HELZ2: variants seen among roughly 807,000 people sequenced by gnomAD.
HELZ2 encodes the protein 3'-5' exoribonuclease HELZ2.
A neutral mutation model predicts 208.8 loss-of-function variants in HELZ2; 143 were observed. That is an observed-to-expected ratio of 0.68 (90% confidence interval 0.60 to 0.79). The LOEUF (loss-of-function observed/expected upper bound fraction) is 0.79, where lower values mean the gene tolerates loss of function less well. Ranked by LOEUF, HELZ2 falls within the 30% of genes least tolerant of loss-of-function variation. The probability of loss-of-function intolerance (pLI) is 0.00; values close to 1 mark genes in which losing one functional copy is unlikely to be tolerated. For missense variants in HELZ2, 3,690 were observed against 3,794.5 expected, an observed-to-expected ratio of 0.97 and a Z score of 0.72; for synonymous variants, 1,705 against 1,693.7, an observed-to-expected ratio of 1.01 and a Z score of -0.16.
intron 3 of HELZ2, 72 bp downstream of exon 4, chr20:63,570,432 G>A (rs762440263): frequency 1.0e-5 from 13 of 1,253,468 alleles, no homozygotes; most frequent in South Asian, 5.0e-5. Flanking sequence ...CCAGGCTGTT[G>A]ACGTCTGCCC....
At chr20:63,563,199 G>C in exon 8 of HELZ2, 2 of 1,585,464 alleles carry the variant, frequency 1.3e-6, no homozygotes, top group Non-Finnish European at 1.7e-6. Flanking sequence ...CCCAGCTCCC[G>C]GGCCACCTCC....
chr20:63,564,794 A>C, exon 8 of HELZ2: 1 of 1,610,116 alleles, frequency 6.2e-7, no homozygotes. Context: ...GTCCACAGTG[A>C]AGGTCAAGAA....
chr20:63,572,147 G>T (rs760123091), exon 1 of HELZ2: 2 of 1,611,636 alleles, frequency 1.2e-6, no homozygotes, highest in Non-Finnish European at 1.7e-6. Flanking sequence ...CGGGGGTGGG[G>T]AACGGTGCTC....
In HELZ2 at chr20:63,568,568, CA is replaced by C; in HGVS notation, c.1519del (p.Trp507GlyfsTer97). On this transcript the variant is annotated frameshift_variant, in exon 5 of 19. Coordinates refer to ENST00000467148, the Ensembl canonical transcript of HELZ2. LOFTEE classifies it high-confidence loss of function. ...GCCACGCCGCAAGGGTGGGACAGAC[CA>C]AGGTCTGGGCAGGGCGCAGGTGGGC... The C allele has an allele frequency of 6.3e-7, 1 of 1,589,024 alleles. No individual in the cohort carries two copies. The highest frequency in any genetic ancestry group is 8.5e-7 in the Non-Finnish European group (1 of 1,171,958).
At chr20:63,568,652 C>T (rs987259422) in exon 5 of HELZ2, 12 of 1,604,490 alleles carry the variant, frequency 7.5e-6, no homozygotes, top group African/African-American at 2.7e-5. Flanking sequence ...GTGCCAGAGG[C>T]GGAAGGTCAT....
intron 17 of HELZ2, 32 bp from the exon 19 acceptor site, chr20:63,560,127 C>T (rs1347204050): frequency 6.4e-7 from 1 of 1,557,330 alleles, no homozygotes; most frequent in Non-Finnish European, 8.6e-7. Context: ...CCTGCTGCCG[C>T]TGCGCCCACC....
Position 63,567,133 on chromosome 20 carries a change from T to C in HELZ2, c.2225A>G (p.Asn742Ser), listed in dbSNP as rs747098879. ...GACAATGGCGTCCGTGCAGCGGTAG[T>C]TCTCGTGGAAGACCAGGCGGCTCTG... Residue 742 changes from asparagine (N) to serine (S), a missense_variant, in exon 6 of 19, where the codon AAC becomes AGC. By Grantham distance (46) the Asn-to-Ser change is conservative. Transcript: ENST00000467148. 3 of 1,611,290 alleles carry C rather than the reference T, an allele frequency of 1.9e-6. No homozygotes were observed. In the South Asian group the frequency reaches 3.3e-5, roughly 18 times the overall value.
chr20:63,564,307 G>T lies in HELZ2; in HGVS notation c.4515C>A (p.Cys1505Ter), dbSNP rs1381612729. The change falls in exon 8 of 19, where the codon TGC becomes TGA. Residue 1505 changes from cysteine to a stop codon, truncating the protein, a stop_gained. Transcript: ENST00000467148. LOFTEE classifies it high-confidence loss of function. ...CGTCCTCGTCCGGCTGCTCATAGAAGCAGTCGGACCGCAGGCGGTGCCGGC... is the reference window on the plus strand; with the variant it reads ...CGTCCTCGTCCGGCTGCTCATAGAATCAGTCGGACCGCAGGCGGTGCCGGC... 1 of 1,603,516 alleles carries T rather than the reference G, an allele frequency of 6.2e-7. No homozygotes were observed.
chr20:63,568,093 T>TG, intron 5 of HELZ2: 1 of 567,860 alleles, frequency 1.8e-6, no homozygotes, highest in East Asian at 3.0e-5. Context: ...TCCCCAGAAG[T>TG]CCTGGGTGGG....
chr20:63,572,282 G>T (rs1333876392), exon 1 of HELZ2: 1 of 1,586,692 alleles, frequency 6.3e-7, no homozygotes, highest in East Asian at 2.3e-5. Flanking sequence ...GGCCCCAGGG[G>T]GCTGGCCAAG....
In HELZ2 at chr20:63,570,887, A is replaced by C. The variant is rs402211; in HGVS notation, c.279-19T>G. On this transcript the variant is annotated intron_variant, in intron 1 of 18. Transcript: ENST00000467148. ...GTCAGGCCTGGGGGACAGGGAGGTC[A>C]GCAGGGCTACACAGAGGCACAGCCG... The C allele has an allele frequency of 1.9e-6, 3 of 1,564,070 alleles. No homozygotes were observed. Among genetic ancestry groups the C allele is most frequent in the South Asian group, 2.3e-5 (2 of 86,014 alleles).
chr20:63,564,050 G>T (rs1419864412), exon 8 of HELZ2: 2 of 1,605,324 alleles, frequency 1.2e-6, no homozygotes, highest in Admixed American at 1.7e-5. Context: ...CGTGTCGGGG[G>T]GACTGCCCCC....
chr20:63,568,122 C>T lies in HELZ2; in HGVS notation c.1730+236G>A, dbSNP rs557423737. On this transcript the variant is annotated intron_variant, in intron 5 of 18. Coordinates refer to ENST00000467148, the Ensembl canonical transcript of HELZ2. Reference sequence around the variant, plus strand: ...GGGTGGGCCATGCTGCAGCCTTCCCCGTGACACTCTCCTTGGGCCAGGGCC... The same window carrying T: ...GGGTGGGCCATGCTGCAGCCTTCCCTGTGACACTCTCCTTGGGCCAGGGCC... The T allele has an allele frequency of 1.1e-3, 632 of 579,174 alleles. 5 individuals are homozygous for T. The highest frequency in any genetic ancestry group is 7.7e-3 in the Middle Eastern group (17 of 2,206). The allele number at this position is 579,174 out of a possible 1,614,324, so 35.9% of individuals were successfully genotyped here.
In HELZ2 at chr20:63,560,549, C is replaced by T. The variant is rs138746277; in HGVS notation, c.7430G>A (p.Arg2477Gln). Reference sequence around the variant, plus strand: ...TTCGTCCGTGGACACCAGCAGGCTCCGCTCGTGGCCCTGCACGTGGCCAAA... The same window carrying T: ...TTCGTCCGTGGACACCAGCAGGCTCTGCTCGTGGCCCTGCACGTGGCCAAA... The change falls in exon 16 of 19, where the codon CGG (arginine) becomes CAG (glutamine). Residue 2477 changes from arginine to glutamine, a missense_variant. Transcript: ENST00000467148. The T allele has an allele frequency of 1.9e-5, 30 of 1,613,018 alleles. No homozygotes were observed. The highest frequency in any genetic ancestry group is 1.1e-4 in the African/African-American group (8 of 75,014).
intron 1 of HELZ2, 115 bp from the exon 3 acceptor site, chr20:63,570,983 G>A (rs1308814835): frequency 8.8e-6 from 7 of 794,410 alleles, no homozygotes; most frequent in East Asian, 5.4e-5. Context: ...GGCTTTATTC[G>A]TCCCACCCAC....
In HELZ2 at chr20:63,560,622, G is replaced by GC. The variant is rs1569027948; in HGVS notation, c.7356dup (p.Pro2453AlafsTer36). The GC allele has an allele frequency of 6.2e-7, 1 of 1,610,776 alleles. No individual in the cohort carries two copies. On this transcript the variant is annotated frameshift_variant, in exon 16 of 19. Transcript: ENST00000467148. LOFTEE classifies it high-confidence loss of function. ...CCAGCGTGGCCCAGGACACTGGGCG[G>GC]CCTCCTCAGGCCCTGCCACGTCTTC...
downstream of HELZ2, chr20:63,559,019 G>T: frequency 4.1e-6 from 2 of 487,386 alleles, no homozygotes; most frequent in Non-Finnish European, 3.6e-6. Flanking sequence ...GCCCCTCTTG[G>T]CCACCCTGAG....
chr20:63,568,284 G>T lies in HELZ2; in HGVS notation c.1730+74C>A, dbSNP rs376034638. ...AATCAGAGGACTGGAGCACATCCAG[G>T]GGGTGACCGCCTGCCCGGTGTAGAC... is the stretch of plus-strand genomic sequence containing the variant. On this transcript the variant is annotated intron_variant, in intron 5 of 18. Transcript: ENST00000467148. The T allele has an allele frequency of 5.1e-5, 58 of 1,146,022 alleles. No homozygotes were observed. In the African/African-American group the frequency reaches 8.5e-4, roughly 17 times the overall value. 71.0% of individuals were successfully genotyped at this position (1,146,022 alleles called of 1,614,324 possible). A position where few individuals can be genotyped will look rare whatever the true frequency, so the allele number is the denominator to read the frequency against.
intron 5 of HELZ2, 164 bp downstream of exon 6, chr20:63,568,194 C>T: frequency 6.3e-6 from 4 of 635,876 alleles, no homozygotes; most frequent in Non-Finnish European, 1.1e-5. Context: ...CCCGGCCACC[C>T]TCGGTGCCCT....
Sources: allele counts gnomAD v4.1 joint callset, GRCh38; gene constraint gnomAD v4.1.1; transcripts MANE v1.5; gene names NCBI Gene and HGNC (gene_info 2026-07-23, HGNC 2026-07-21).